SOX6: variants seen among roughly 807,000 people sequenced by gnomAD.
The protein encoded by SOX6 is SRY-box transcription factor 6.
In SOX6, 11 loss-of-function variants were observed where a neutral mutation model predicts 97.8. The observed-to-expected ratio is 0.11, with a 90% CI of 0.07 to 0.19. The LOEUF (loss-of-function observed/expected upper bound fraction) is 0.19, where lower values mean the gene tolerates loss of function less well. Among genes scored for constraint, SOX6 ranks in the 10% least tolerant of loss-of-function variants. SOX6 has a pLI of 1.00. For synonymous variants in SOX6, 360 were observed against 371.4 expected, an observed-to-expected ratio of 0.97 and a Z score of 0.35; for missense variants, 810 against 1,039.5, an observed-to-expected ratio of 0.78 and a Z score of 3.04.
intron 3 of SOX6, among the ~76,000 whole-genome samples, chr11:16,670,026 C>T (rs1286643653): frequency 8.5e-5 from 13 of 152,110 alleles, no homozygotes; most frequent in Non-Finnish European, 7.4e-5. Context: ...GTGAGGAGTC[C>T]AGCCCCCTTC....
At chr11:16,261,317 C>T (rs1853886756) in intron 3 of SOX6, among the ~76,000 whole-genome samples, 1 of 152,128 alleles carries the variant, frequency 6.6e-6, no homozygotes, top group Non-Finnish European at 1.5e-5. Flanking sequence ...GTAAATCTTA[C>T]TGGATCCTTA....
chr11:16,684,365 T>C (rs1278843864), intron 3 of SOX6, among the ~76,000 whole-genome samples: 2 of 152,142 alleles, frequency 1.3e-5, no homozygotes, highest in African/African-American at 4.8e-5. Flanking sequence ...ATTAAGAAAT[T>C]GTGGCACATA....
intron 12 of SOX6, among the ~76,000 whole-genome samples, chr11:16,018,877 G>A (rs1290566476): frequency 6.6e-6 from 1 of 151,986 alleles, no homozygotes; most frequent in Non-Finnish European, 1.5e-5. Flanking sequence ...TGTAAACTGG[G>A]ACACTTAGAT....
At position 16,554,793 on chromosome 11, in the gene SOX6, T is replaced by C. The variant is rs575341693; in HGVS notation, n.609+57288A>G. 6.6e-5 allele frequency among the ~76,000 whole-genome samples: 10 copies of C among 151,992 alleles called. No individual in the cohort carries two copies. The East Asian group carries it at 9.7e-4, about 15-fold the overall frequency. On this transcript the variant is annotated intron_variant and non_coding_transcript_variant, in intron 4 of 5. Coordinates refer to the SOX6 transcript ENST00000524520. ...CTGAACTGTTCCAATAAATCTTACA[T>C]GTGATGAAAACAGGAAAGGGGAAAG...
intron 3 of SOX6, among the ~76,000 whole-genome samples, chr11:16,266,939 A>G (rs1854098231): frequency 1.3e-5 from 2 of 151,572 alleles, no homozygotes; most frequent in South Asian, 4.1e-4. Flanking sequence ...CCAATTAAAT[A>G]TACATGGCAG....
intron 3 of SOX6, among the ~76,000 whole-genome samples, chr11:16,646,955 C>A (rs1849024202): frequency 6.6e-6 from 1 of 152,326 alleles, no homozygotes; most frequent in South Asian, 2.1e-4. Flanking sequence ...CTTTAAGGAA[C>A]CTCCACACTG....
intron 1 of SOX6, among the ~76,000 whole-genome samples, chr11:16,462,100 G>A (rs1216624450): frequency 6.6e-6 from 1 of 152,112 alleles, no homozygotes; most frequent in African/African-American, 2.4e-5. Flanking sequence ...TACCAAAAAA[G>A]GATTTGTCTT....
intron 1 of SOX6, among the ~76,000 whole-genome samples, chr11:16,445,779 A>G (rs1397139597): frequency 6.6e-6 from 1 of 152,102 alleles, no homozygotes; most frequent in East Asian, 1.9e-4. Flanking sequence ...GCTATTACAT[A>G]TTGAACAAGT....
intron 6 of SOX6, among the ~76,000 whole-genome samples, chr11:16,177,621 A>ATCTCTCTC (rs71044087): frequency 0.25 from 36,797 of 145,462 alleles, 4,790 homozygotes; most frequent in Middle Eastern, 0.4. Flanking sequence ...GAATAAGATG[A>ATCTCTCTC]TCTCTCTCTC....
Position 15,989,239 on chromosome 11 carries a change from T to A in SOX6, c.1733-9A>T. 6.3e-7 allele frequency: 1 copy of A among 1,586,736 alleles called. No homozygotes were observed. Among genetic ancestry groups the A allele is most frequent in the Non-Finnish European group, 8.6e-7 (1 of 1,161,004 alleles). On this transcript the variant is annotated splice_polypyrimidine_tract_variant and intron_variant, in intron 13 of 15. Transcript: ENST00000683767. ...ATTCATTGCTTTACTTCCTGTAATG[T>A]CAGGGCAGGAAGAACAAGATGAGTG...
intron 3 of SOX6, among the ~76,000 whole-genome samples, chr11:16,707,584 T>C (rs1848146807): frequency 6.6e-6 from 1 of 152,180 alleles, no homozygotes; most frequent in Non-Finnish European, 1.5e-5. Context: ...CTCTCCTTTA[T>C]TCATGAGGCA....
intron 3 of SOX6, among the ~76,000 whole-genome samples, chr11:16,297,684 G>A (rs1288586274): frequency 6.6e-6 from 1 of 152,188 alleles, no homozygotes; most frequent in Non-Finnish European, 1.5e-5. Context: ...CGCAGTGGGA[G>A]CTATGCTGGA....
intron 4 of SOX6, among the ~76,000 whole-genome samples, chr11:16,575,734 T>C (rs1589991975): frequency 6.6e-6 from 1 of 152,116 alleles, no homozygotes. Flanking sequence ...GTGACTAACA[T>C]TAAACACAGA....
chr11:16,516,031 G>C (rs1379593809), intron 4 of SOX6, among the ~76,000 whole-genome samples: 1 of 151,772 alleles, frequency 6.6e-6, no homozygotes, highest in Non-Finnish European at 1.5e-5. Context: ...GGCAATGCGG[G>C]CTCTTTTTTG....
chr11:16,008,303 G>T (rs757465705), intron 13 of SOX6, among the ~76,000 whole-genome samples: 1 of 151,976 alleles, frequency 6.6e-6, no homozygotes, highest in Non-Finnish European at 1.5e-5. Flanking sequence ...AGATACAGAC[G>T]GCAGACTATA....
chr11:16,354,619 C>T (rs749862909), intron 1 of SOX6, among the ~76,000 whole-genome samples: 2 of 151,944 alleles, frequency 1.3e-5, no homozygotes, highest in South Asian at 4.1e-4. Flanking sequence ...GCTGTAGGTG[C>T]CTATTCAAAC....
intron 1 of SOX6, among the ~76,000 whole-genome samples, chr11:16,346,502 G>A (rs1161183409): frequency 6.6e-6 from 1 of 151,960 alleles, no homozygotes; most frequent in African/African-American, 2.4e-5. Context: ...AAAGTCGGAA[G>A]GTGCTTACTA....
chr11:16,424,444 A>G (rs1859084057), intron 1 of SOX6, among the ~76,000 whole-genome samples: 1 of 151,976 alleles, frequency 6.6e-6, no homozygotes, highest in South Asian at 2.1e-4. Flanking sequence ...AACTCGTTCT[A>G]CTTCCCAAAG....
intron 13 of SOX6, among the ~76,000 whole-genome samples, chr11:16,002,754 G>A (rs1480331432): frequency 1.3e-5 from 2 of 152,086 alleles, no homozygotes; most frequent in African/African-American, 2.4e-5. Flanking sequence ...TAAAAAGCTG[G>A]TAGACTGAAT....
Sources: gnomAD v4.1 joint callset for allele counts (sites outside exome capture counted in the v4.1 genomes callset) on GRCh38, gnomAD v4.1.1 for gene constraint, MANE v1.5 for transcripts, NCBI Gene and HGNC (gene_info 2026-07-23, HGNC 2026-07-21) for gene names.